The following TEKTIP1 variants were observed in gnomAD, a reference collection of about 807,000 sequenced individuals.
TEKTIP1 encodes tektin bundle interacting protein 1, also known as tektin bundle-interacting protein 1.
the TEKTIP1 span, chr19:3,539,260 G>A: frequency 6.5e-7 from 1 of 1,544,508 alleles, no homozygotes; most frequent in Non-Finnish European, 8.8e-7. Flanking sequence ...CCGCTGTACA[G>A]GTGAGCCCCT....
chr19:3,541,819 TTTGTG>T, the TEKTIP1 span: 1 of 983,308 alleles, frequency 1.0e-6, no homozygotes, highest in Non-Finnish European at 1.2e-6. Flanking sequence ...TGCTGTTTTG[TTTGTG>T]TTGAGACAGA....
chr19:3,539,642 C>T, the TEKTIP1 span: 1 of 220,068 alleles, frequency 4.5e-6, no homozygotes, highest in Non-Finnish European at 9.0e-6. Context: ...ACCCCAGGCA[C>T]TCCTTGGCCC....
At chr19:3,543,519 G>C in the TEKTIP1 span, 27 of 1,529,488 alleles carry the variant, frequency 1.8e-5, no homozygotes, top group East Asian at 6.1e-4. Flanking sequence ...TGCCAGAGGG[G>C]GACAGGAATG....
the TEKTIP1 span, chr19:3,543,429 G>C: frequency 6.5e-7 from 1 of 1,546,086 alleles, no homozygotes; most frequent in Non-Finnish European, 8.7e-7. Flanking sequence ...GCCTACAACC[G>C]CTGGCACAGC....
the TEKTIP1 span, chr19:3,543,374 G>GCCTGGTACAA: frequency 2.6e-6 from 4 of 1,549,358 alleles, no homozygotes; most frequent in Non-Finnish European, 3.5e-6. Context: ...CGCCTGGGAA[G>GCCTGGTACAA]CCTGGTACAA....
At chr19:3,543,357 A>C in the TEKTIP1 span, 3 of 1,549,380 alleles carry the variant, frequency 1.9e-6, no homozygotes, top group South Asian at 3.6e-5. Flanking sequence ...GGCCTGACCA[A>C]CTCGGACGCC....
chr19:3,542,799 T>C, the TEKTIP1 span: 2 of 1,370,814 alleles, frequency 1.5e-6, no homozygotes, highest in East Asian at 4.5e-5. Context: ...TCCCCCAGTC[T>C]TCCCTGGGCC....
chr19:3,540,318 T>C, the TEKTIP1 span, among the ~76,000 whole-genome samples: 5 of 151,338 alleles, frequency 3.3e-5, no homozygotes, highest in Non-Finnish European at 7.4e-5. Flanking sequence ...AACGCAATGG[T>C]GCAATCTTGG....
the TEKTIP1 span, chr19:3,544,021 C>T: frequency 2.0e-6 from 3 of 1,525,564 alleles, no homozygotes; most frequent in Non-Finnish European, 2.7e-6. Context: ...AGGCATGCTA[C>T]CAGGATGCAC....
At chr19:3,540,418 C>T in the TEKTIP1 span, among the ~76,000 whole-genome samples, 5 of 151,690 alleles carry the variant, frequency 3.3e-5, no homozygotes, top group African/African-American at 1.2e-4. Context: ...CTACCATGCC[C>T]AGCTAATTTT....
chr19:3,542,426 G>C, the TEKTIP1 span: 2 of 985,282 alleles, frequency 2.0e-6, no homozygotes, highest in African/African-American at 3.5e-5. Context: ...TGACTTCCTT[G>C]GGACATATTC....
the TEKTIP1 span, chr19:3,541,698 G>A: frequency 1.0e-6 from 1 of 985,294 alleles, no homozygotes; most frequent in South Asian, 4.7e-5. Flanking sequence ...ACGGGGGTGA[G>A]TGCATGTACC....
At chr19:3,542,353 G>A in the TEKTIP1 span, 2 of 985,312 alleles carry the variant, frequency 2.0e-6, no homozygotes, top group Non-Finnish European at 2.4e-6. Flanking sequence ...TCCGTGCAGG[G>A]CAGATGAGAT....
chr19:3,542,099 T>C, the TEKTIP1 span: 1 of 984,968 alleles, frequency 1.0e-6, no homozygotes, highest in Non-Finnish European at 1.2e-6. Flanking sequence ...CATGAGCCAC[T>C]GCGCCCAGAC....
At chr19:3,542,338 G>A in the TEKTIP1 span, 2 of 985,420 alleles carry the variant, frequency 2.0e-6, no homozygotes, top group Non-Finnish European at 2.4e-6. Context: ...GCTGGAACCG[G>A]GCTTTCCGTG....
At chr19:3,543,088 G>C in the TEKTIP1 span, 4 of 1,563,908 alleles carry the variant, frequency 2.6e-6, no homozygotes, top group Non-Finnish European at 3.5e-6. Flanking sequence ...GGGGTACAGG[G>C]CTGAAGGACA....
the TEKTIP1 span, chr19:3,539,279 G>T: frequency 3.3e-6 from 5 of 1,517,874 alleles, no homozygotes; most frequent in Non-Finnish European, 4.5e-6. Flanking sequence ...CTCCCTACAG[G>T]TGAGCCCCTC....
chr19:3,543,490 C>G, the TEKTIP1 span: 2 of 1,519,400 alleles, frequency 1.3e-6, no homozygotes, highest in African/African-American at 1.4e-5. Context: ...GCCCCCCCCC[C>G]CGCCCTGGGC....
the TEKTIP1 span, chr19:3,543,168 C>A: frequency 6.6e-7 from 1 of 1,519,782 alleles, no homozygotes; most frequent in Admixed American, 2.0e-5. Context: ...CCCTGGCAGA[C>A]ATCGCAAAGG....
Sources: allele counts gnomAD v4.1 joint callset (sites outside exome capture counted in the v4.1 genomes callset), GRCh38; gene constraint gnomAD v4.1.1; transcripts MANE v1.5; gene names NCBI Gene and HGNC (gene_info 2026-07-23, HGNC 2026-07-21).